The following FAM81A variants were observed in gnomAD, a reference collection of about 807,000 sequenced individuals.
FAM81A encodes family with sequence similarity 81 member A.
FAM81A carries 19 observed loss-of-function variants against 46.7 expected under a neutral mutation model. The observed-to-expected ratio is 0.41, with a 90% CI of 0.28 to 0.60. The LOEUF (loss-of-function observed/expected upper bound fraction) is 0.60. Ranked by LOEUF, FAM81A falls within the 20% of genes least tolerant of loss-of-function variation. The pLI is 0.34. For missense variants in FAM81A, 377 were observed against 453.5 expected (o/e 0.83, Z 1.53); for synonymous variants, 183 against 152.9 (o/e 1.20, Z -1.45).
At position 59,466,341 on chromosome 15, in the gene FAM81A, A is replaced by G. The variant is rs1172397153; in HGVS notation, c.294+6135A>G. On this transcript the variant is annotated intron_variant, in intron 3 of 8. Transcript: ENST00000288228. ...CCACCAACAGTGTAAAAGCGTTCCT[A>G]TTTCTCCACATCCTTGCTAGCATCT... Among the ~76,000 whole-genome samples, 4 of 152,314 alleles carry G rather than the reference A, an allele frequency of 2.6e-5. No homozygotes were observed. In the South Asian group the frequency reaches 6.2e-4, roughly 24 times the overall value.
chr15:59,401,038 C>T (rs552140182), intron 1 of FAM81A, among the ~76,000 whole-genome samples: 2 of 152,084 alleles, frequency 1.3e-5, no homozygotes, highest in South Asian at 4.1e-4. Context: ...AAGTTAGAGT[C>T]CTAAAGCATT....
intron 1 of FAM81A, among the ~76,000 whole-genome samples, chr15:59,455,641 T>TA: frequency 6.6e-6 from 1 of 152,192 alleles, no homozygotes; most frequent in Non-Finnish European, 1.5e-5. Context: ...CCATTCTGAA[T>TA]AATGTGTCTT....
intron 3 of FAM81A, among the ~76,000 whole-genome samples, chr15:59,472,259 T>C (rs2081703181): frequency 6.6e-6 from 1 of 151,992 alleles, no homozygotes; most frequent in Admixed American, 6.6e-5. Flanking sequence ...GAGGAATCGT[T>C]GAACCTCGGA....
At chr15:59,443,876 A>G (rs2081327138) in intron 1 of FAM81A, 1 of 152,340 alleles carries the variant, frequency 6.6e-6, no homozygotes, top group South Asian at 2.1e-4. Flanking sequence ...GCCGCTGCTT[A>G]GCAACAGGAA....
intron 2 of FAM81A, among the ~76,000 whole-genome samples, chr15:59,412,392 G>A (rs2081125069): frequency 2.0e-5 from 3 of 152,214 alleles, no homozygotes; most frequent in South Asian, 2.1e-4. Flanking sequence ...TTGCTACCCC[G>A]CAAGCTGGTT....
At chr15:59,461,086 T>C (rs1265678048) in intron 3 of FAM81A, among the ~76,000 whole-genome samples, 1 of 152,318 alleles carries the variant, frequency 6.6e-6, no homozygotes, top group East Asian at 1.9e-4. Context: ...ATTTATAAAA[T>C]TGTGCAACCT....
At chr15:59,519,384 T>A (rs1407677187) in intron 8 of FAM81A, among the ~76,000 whole-genome samples, 1 of 151,928 alleles carries the variant, frequency 6.6e-6, no homozygotes, top group Admixed American at 6.6e-5. Context: ...AGATGGAGTT[T>A]CATGGTGTTG....
intron 6 of FAM81A, among the ~76,000 whole-genome samples, chr15:59,513,871 A>G (rs1372129048): frequency 6.6e-6 from 1 of 152,242 alleles, no homozygotes; most frequent in African/African-American, 2.4e-5. Context: ...TATGGTACTT[A>G]TATAGCATGG....
intron 1 of FAM81A, among the ~76,000 whole-genome samples, chr15:59,398,566 C>T (rs766779855): frequency 2.6e-5 from 4 of 151,062 alleles, no homozygotes; most frequent in Non-Finnish European, 5.9e-5. Flanking sequence ...CGAGACTAGC[C>T]TGACCAACAT....
intron 3 of FAM81A, among the ~76,000 whole-genome samples, chr15:59,469,538 C>CTT (rs199942364): frequency 2.8e-5 from 4 of 142,728 alleles, no homozygotes; most frequent in African/African-American, 5.1e-5. Flanking sequence ...GCAACCCCTG[C>CTT]TTTTTTTTTT....
chr15:59,449,783 A>C (rs77149374), intron 1 of FAM81A, among the ~76,000 whole-genome samples: 54 of 4,440 alleles, frequency 0.012, 9 homozygotes, highest in African/African-American at 0.054. Flanking sequence ...CTCTGTCTCA[A>C]AAAAAAAAAA....
rs140324871 is a variant in FAM81A, at chr15:59,459,140, A to G, written c.20+494A>G. Among the ~76,000 whole-genome samples the G allele has an allele frequency of 6.4e-4, 98 of 152,072 alleles. 2 individuals carry two copies. Among genetic ancestry groups the G allele is most frequent in the African/African-American group, 2.1e-3 (89 of 41,494 alleles). On this transcript the variant is annotated intron_variant, in intron 2 of 8. Coordinates refer to ENST00000288228, the MANE Select transcript of FAM81A (RefSeq NM_152450.3). Reference sequence around the variant, plus strand: ...CTCCTGAGTAGCTGGGACTATAGTTATGTGCCACCATGCCCAGCTAATTTT... The same window carrying G: ...CTCCTGAGTAGCTGGGACTATAGTTGTGTGCCACCATGCCCAGCTAATTTT...
chr15:59,516,157 C>T (rs189695290), intron 7 of FAM81A, among the ~76,000 whole-genome samples: 8 of 145,112 alleles, frequency 5.5e-5, no homozygotes, highest in African/African-American at 1.8e-4. Flanking sequence ...GACAGAGTCT[C>T]ACTCTGTTAC....
At chr15:59,453,748 T>C (rs1176196174) in intron 1 of FAM81A, among the ~76,000 whole-genome samples, 1 of 151,378 alleles carries the variant, frequency 6.6e-6, no homozygotes, top group Non-Finnish European at 1.5e-5. Flanking sequence ...AAAAAAAAAT[T>C]TGGAAGAGAG....
chr15:59,489,140 C>A lies in FAM81A; in HGVS notation c.295-3131C>A, dbSNP rs1480488727. Among the ~76,000 whole-genome samples the A allele has an allele frequency of 1.3e-5, 2 of 152,066 alleles. 1 individual carries two copies. Among genetic ancestry groups the A allele is most frequent in the African/African-American group, 4.8e-5 (2 of 41,530 alleles). On this transcript the variant is annotated intron_variant, in intron 3 of 8. Transcript: ENST00000288228. ...ATTAGCCGGGCATAGTGGCGGGCGC[C>A]TGTAGTCCCAGCTACTCGGGAGGCT... is the stretch of plus-strand genomic sequence containing the variant.
At chr15:59,405,610 C>T (rs1567035319) in intron 2 of FAM81A, among the ~76,000 whole-genome samples, 1 of 151,490 alleles carries the variant, frequency 6.6e-6, no homozygotes, top group African/African-American at 2.4e-5. Context: ...CACTGCACAC[C>T]AGCCTGGGCG....
At chr15:59,405,906 G>A (rs375928595) in intron 2 of FAM81A, among the ~76,000 whole-genome samples, 54 of 152,176 alleles carry the variant, frequency 3.5e-4, no homozygotes, top group African/African-American at 1.3e-3. Context: ...GCCTTAGAGC[G>A]TCTCCTAGGG....
At chr15:59,400,780 G>A (rs775396282) in intron 1 of FAM81A, among the ~76,000 whole-genome samples, 1 of 152,140 alleles carries the variant, frequency 6.6e-6, no homozygotes, top group Non-Finnish European at 1.5e-5. Context: ...TTTCATGGGG[G>A]AAGTCTAAAC....
At chr15:59,510,771 C>A (rs1338031214) in intron 6 of FAM81A, among the ~76,000 whole-genome samples, 1 of 100,596 alleles carries the variant, frequency 9.9e-6, no homozygotes, top group Non-Finnish European at 1.8e-5. Context: ...GAATGAGACC[C>A]TGTCTCAAAA....
Sources: allele counts gnomAD v4.1 joint callset (sites outside exome capture counted in the v4.1 genomes callset), GRCh38; gene constraint gnomAD v4.1.1; transcripts MANE v1.5; gene names NCBI Gene and HGNC (gene_info 2026-07-23, HGNC 2026-07-21).